SYNPO2: variants seen among roughly 807,000 people sequenced by gnomAD.
SYNPO2 encodes the protein synaptopodin 2.
Under a neutral mutation model 85.0 loss-of-function variants are expected in SYNPO2, and 56 were observed. That is an observed-to-expected ratio of 0.66 (90% CI 0.53 to 0.82). The LOEUF is 0.82. SYNPO2 is among the 40% of genes least tolerant of loss of function. The pLI, the probability that SYNPO2 is intolerant of heterozygous loss-of-function variation, is 0.00. For missense variants in SYNPO2, 1,575 were observed against 1,534.2 expected (o/e 1.03, Z -0.44); for synonymous variants, 602 against 591.1 (o/e 1.02, Z -0.27).
chr4:118,977,024 C>T (rs1161737972), intron 1 of SYNPO2, among the ~76,000 whole-genome samples: 1 of 152,250 alleles, frequency 6.6e-6, no homozygotes, highest in Non-Finnish European at 1.5e-5. Context: ...GCTGGAGCTG[C>T]CTGCCAGTCC....
chr4:118,998,394 G>A (rs1022798234), intron 1 of SYNPO2, among the ~76,000 whole-genome samples: 1 of 152,154 alleles, frequency 6.6e-6, no homozygotes, highest in Non-Finnish European at 1.5e-5. Context: ...AATATCGTGT[G>A]TATTTTAGGT....
At chr4:119,032,768 C>T in intron 4 of SYNPO2, 1 of 884,304 alleles carries the variant, frequency 1.1e-6, no homozygotes, top group African/African-American at 1.8e-5. Context: ...GCCTGGAATC[C>T]TAGCACTTTG....
rs368221117 is a variant in SYNPO2 at position 118,910,490 on chromosome 4, A to ATG, written c.105+21365_105+21366dup. On this transcript the variant is annotated intron_variant, in intron 1 of 4. Coordinates refer to ENST00000307142, the MANE Select transcript of SYNPO2 (RefSeq NM_133477.3). The stretch of plus-strand genomic sequence containing the variant: ...ATGTTTAGAAGTTACTTGTTTAATT[A>ATG]TGTGTGTGTGTGTGTGTTTATGAGA... 3.1e-3 allele frequency among the ~76,000 whole-genome samples: 471 copies of ATG among 151,634 alleles called. 3 individuals carry two copies. The highest frequency in any genetic ancestry group is 5.0e-3 in the Non-Finnish European group (336 of 67,776).
intron 1 of SYNPO2, among the ~76,000 whole-genome samples, chr4:118,878,986 C>T (rs992369486): frequency 4.6e-5 from 7 of 152,188 alleles, no homozygotes; most frequent in Admixed American, 2.0e-4. Flanking sequence ...AGGTCTGTGG[C>T]TTCACTCCTG....
rs570817406 is a variant in SYNPO2 at position 118,852,270 on chromosome 4, G to A, written c.12+1330G>A. 1.5e-3 allele frequency among the ~76,000 whole-genome samples: 227 copies of A among 152,294 alleles called. 2 individuals are homozygous for A. The highest frequency in any genetic ancestry group is 5.0e-3 in the African/African-American group (207 of 41,564). Reference sequence around the variant, plus strand: ...AAAGGAACGTTTATACATTGTCTGTGGGAGTGTAAATTAGTTCAACCATTG... The same window carrying A: ...AAAGGAACGTTTATACATTGTCTGTAGGAGTGTAAATTAGTTCAACCATTG... On this transcript the variant is annotated intron_variant, in intron 1 of 4. Transcript: ENST00000610556.
At chr4:118,963,815 A>G (rs1377818397) in intron 1 of SYNPO2, among the ~76,000 whole-genome samples, 1 of 152,212 alleles carries the variant, frequency 6.6e-6, no homozygotes. Context: ...AACTTGCATT[A>G]AGCTTTTTGC....
chr4:118,888,616 T>G (rs755992633), upstream of SYNPO2, among the ~76,000 whole-genome samples: 1 of 152,152 alleles, frequency 6.6e-6, no homozygotes, highest in African/African-American at 2.4e-5. Context: ...TAAATGTAAG[T>G]TTTTCAATCA....
Position 119,058,881 on chromosome 4 carries a change from C to T in SYNPO2, c.*947C>T, listed in dbSNP as rs1379946205. On this transcript the variant is annotated 3_prime_UTR_variant, in exon 5 of 5. Transcript: ENST00000307142. ...TAAACACATGAGAATAAGATTATTA[C>T]ACATTTTGGAAGGACTTTTGAGGAA... 1 of 152,072 alleles carries T rather than the reference C, an allele frequency of 6.6e-6. No individual in the cohort carries two copies. Among genetic ancestry groups the T allele is most frequent in the Admixed American group, 6.5e-5 (1 of 15,278 alleles). 9.4% of individuals were successfully genotyped at this position (152,072 alleles called of 1,614,324 possible).
intron 1 of SYNPO2, among the ~76,000 whole-genome samples, chr4:118,911,201 A>C (rs1160524021): frequency 6.6e-6 from 1 of 152,192 alleles, no homozygotes; most frequent in Non-Finnish European, 1.5e-5. Context: ...AAGAAAATCT[A>C]ATTGGTACGA....
intron 4 of SYNPO2, chr4:119,034,711 C>T: frequency 1.0e-6 from 1 of 985,500 alleles, no homozygotes; most frequent in Non-Finnish European, 1.2e-6. Context: ...GGAAGAAGGA[C>T]TAACCAGCTC....
chr4:118,996,780 C>T (rs1486054956), intron 1 of SYNPO2, among the ~76,000 whole-genome samples: 1 of 150,028 alleles, frequency 6.7e-6, no homozygotes, highest in Non-Finnish European at 1.5e-5. Flanking sequence ...TCGCTCGAAC[C>T]TGGGAGGCAG....
At chr4:119,017,722 A>G (rs1424354057) in intron 1 of SYNPO2, among the ~76,000 whole-genome samples, 1 of 152,170 alleles carries the variant, frequency 6.6e-6, no homozygotes, top group Non-Finnish European at 1.5e-5. Flanking sequence ...ATAGATTATA[A>G]TAGTGGATTT....
chr4:118,969,672 C>G (rs961723013), intron 1 of SYNPO2, among the ~76,000 whole-genome samples: 9 of 152,016 alleles, frequency 5.9e-5, no homozygotes, highest in African/African-American at 2.2e-4. Context: ...TGAACCAGGA[C>G]TTTCTAAAGT....
Position 118,898,673 on chromosome 4 carries a change from A to C in SYNPO2, c.105+9532A>C, listed in dbSNP as rs545173299. On this transcript the variant is annotated intron_variant, in intron 1 of 4. Transcript: ENST00000307142. ...AAATGGCAAAACCAGGACAGAAGCC[A>C]GTTTGATGACAAAGCCCATGCCCTT... Among the ~76,000 whole-genome samples the C allele has an allele frequency of 1.7e-4, 26 of 152,348 alleles. No homozygotes were observed. The South Asian group carries it at 4.8e-3, about 28-fold the overall frequency.
At chr4:119,046,977 C>G (rs889479988) in intron 4 of SYNPO2, among the ~76,000 whole-genome samples, 1 of 152,104 alleles carries the variant, frequency 6.6e-6, no homozygotes, top group Non-Finnish European at 1.5e-5. Flanking sequence ...GTAACAGAAC[C>G]AAGATGATAT....
chr4:118,857,627 A>G (rs1277340805), intron 1 of SYNPO2, among the ~76,000 whole-genome samples: 1 of 152,246 alleles, frequency 6.6e-6, no homozygotes, highest in African/African-American at 2.4e-5. Flanking sequence ...TAACATTTAG[A>G]GTTTTTTCAC....
At chr4:118,971,145 G>A (rs1162719272) in intron 1 of SYNPO2, among the ~76,000 whole-genome samples, 2 of 152,166 alleles carry the variant, frequency 1.3e-5, no homozygotes, top group African/African-American at 4.8e-5. Context: ...ACATGAAGAT[G>A]AATATATGTT....
In SYNPO2 at chr4:118,914,888, G is replaced by A. The variant is rs73844624; in HGVS notation, c.105+25747G>A. Among the ~76,000 whole-genome samples the A allele has an allele frequency of 5.2e-3, 789 of 151,914 alleles. 4 individuals carry two copies. The highest frequency in any genetic ancestry group is 0.018 in the African/African-American group (744 of 41,442). ...AGTTACTCTTGTAGCAAAACTAGTG[G>A]AGTTGGAAAGGATTAGAATTCACTG... On this transcript the variant is annotated intron_variant, in intron 1 of 4. Transcript: ENST00000307142.
intron 1 of SYNPO2, among the ~76,000 whole-genome samples, chr4:118,966,647 AAC>A (rs1286000767): frequency 1.3e-5 from 2 of 152,160 alleles, no homozygotes; most frequent in African/African-American, 4.8e-5. Context: ...TCATATATAT[AAC>A]ATATATATAC....
Sources: allele counts gnomAD v4.1 joint callset (sites outside exome capture counted in the v4.1 genomes callset), GRCh38; gene constraint gnomAD v4.1.1; transcripts MANE v1.5; gene names NCBI Gene and HGNC (gene_info 2026-07-23, HGNC 2026-07-21).